The following ZNF423 variants were observed in gnomAD, a reference collection of about 807,000 sequenced individuals.
ZNF423 encodes the protein Ebf-associated zinc finger protein.
In ZNF423, 12 loss-of-function variants were observed where a neutral mutation model predicts 95.8. That is an observed-to-expected ratio of 0.13 (90% CI 0.08 to 0.20). The LOEUF (loss-of-function observed/expected upper bound fraction) is 0.20. ZNF423 is among the 10% of genes least tolerant of loss of function. The probability of loss-of-function intolerance (pLI) is 1.00; values close to 1 mark genes in which losing one functional copy is unlikely to be tolerated. For missense variants in ZNF423, 1,316 were observed against 1,737.1 expected, an observed-to-expected ratio of 0.76 and a Z score of 4.31; for synonymous variants, 749 against 711.9, an observed-to-expected ratio of 1.05 and a Z score of -0.83.
At chr16:49,751,629 G>C (rs7197675) in intron 2 of ZNF423, among the ~76,000 whole-genome samples, 3,670 of 152,286 alleles carry the variant, frequency 0.024, 146 homozygotes, top group African/African-American at 0.084. Context: ...TGCAAGGTCA[G>C]ACCTGGGTTC....
chr16:49,684,955 A>C (rs1272814248), intron 3 of ZNF423, among the ~76,000 whole-genome samples: 1 of 152,198 alleles, frequency 6.6e-6, no homozygotes, highest in African/African-American at 2.4e-5. Flanking sequence ...ACAGCCCAGA[A>C]AGGCAGGGGC....
Position 49,789,476 on chromosome 16 carries a change from C to G in ZNF423, c.100+11G>C. 1.2e-6 allele frequency: 2 copies of G among 1,611,258 alleles called. No individual in the cohort carries two copies. Among genetic ancestry groups the G allele is most frequent in the Non-Finnish European group, 1.7e-6 (2 of 1,179,116 alleles). On this transcript the variant is annotated intron_variant, in intron 2 of 7. Coordinates refer to ENST00000563137, the MANE Select transcript of ZNF423 (RefSeq NM_001379286.1). ...CCCCTGCAACTCTTCCACCAGCCCC[C>G]GGGCATTTACCTGCTGCTGTCACGG...
chr16:49,524,653 G>A (rs534742043), intron 6 of ZNF423, among the ~76,000 whole-genome samples: 1 of 152,376 alleles, frequency 6.6e-6, no homozygotes, highest in Non-Finnish European at 1.5e-5. Flanking sequence ...GCCCAGAGCA[G>A]CTGTGTGTCT....
chr16:49,840,620 C>T (rs1438388001), intron 1 of ZNF423, among the ~76,000 whole-genome samples: 2 of 152,168 alleles, frequency 1.3e-5, no homozygotes, highest in African/African-American at 4.8e-5. Flanking sequence ...GTCTCTTTGC[C>T]CTGGAAGCTG....
intron 1 of ZNF423, among the ~76,000 whole-genome samples, chr16:49,849,167 TG>T (rs542633627): frequency 8.1e-4 from 124 of 152,312 alleles, no homozygotes; most frequent in Non-Finnish European, 1.5e-3. Context: ...GATTGGAGTT[TG>T]CCATCTGCAA....
At chr16:49,690,796 A>G (rs2031749653) in intron 3 of ZNF423, among the ~76,000 whole-genome samples, 1 of 152,180 alleles carries the variant, frequency 6.6e-6, no homozygotes, top group South Asian at 2.1e-4. Context: ...CGCTCCCAAC[A>G]GGAGTCACTG....
intron 2 of ZNF423, among the ~76,000 whole-genome samples, chr16:49,778,321 TATC>T (rs2034154297): frequency 1.3e-5 from 2 of 152,172 alleles, no homozygotes; most frequent in Admixed American, 6.5e-5. Context: ...CCATTGACCA[TATC>T]CAACCCAGGA....
At chr16:49,545,656 T>C (rs1969412309) in intron 5 of ZNF423, among the ~76,000 whole-genome samples, 1 of 152,162 alleles carries the variant, frequency 6.6e-6, no homozygotes, top group African/African-American at 2.4e-5. Flanking sequence ...GGTACAAAAT[T>C]ATTGTCCACG....
intron 1 of ZNF423, among the ~76,000 whole-genome samples, chr16:49,848,055 G>C (rs938512414): frequency 6.6e-6 from 1 of 151,974 alleles, no homozygotes; most frequent in Non-Finnish European, 1.5e-5. Context: ...AGTGAACTAC[G>C]ATCACGTCAC....
At chr16:49,698,075 G>A (rs56295507) in intron 3 of ZNF423, among the ~76,000 whole-genome samples, 41,342 of 152,074 alleles carry the variant, frequency 0.27, 6,069 homozygotes, top group South Asian at 0.45. Flanking sequence ...TGGAGAGTGC[G>A]GCACTCTTAC....
At chr16:49,611,807 A>T (rs949703262) in intron 5 of ZNF423, among the ~76,000 whole-genome samples, 10 of 152,126 alleles carry the variant, frequency 6.6e-5, no homozygotes, top group Admixed American at 1.3e-4. Flanking sequence ...TGAGGATATC[A>T]CTACAGACAC....
intron 1 of ZNF423, among the ~76,000 whole-genome samples, chr16:49,852,196 A>G (rs1373050912): frequency 6.6e-6 from 1 of 151,734 alleles, no homozygotes; most frequent in Non-Finnish European, 1.5e-5. Flanking sequence ...AAGACAAAGA[A>G]GGGGAAGGGA....
intron 2 of ZNF423, among the ~76,000 whole-genome samples, chr16:49,772,105 C>T (rs768997609): frequency 6.6e-6 from 1 of 152,188 alleles, no homozygotes; most frequent in African/African-American, 2.4e-5. Flanking sequence ...CCAGGAAAGC[C>T]GATGCTGCAG....
chr16:49,493,687 C>T (rs1967056262), intron 7 of ZNF423, among the ~76,000 whole-genome samples: 1 of 152,148 alleles, frequency 6.6e-6, no homozygotes, highest in Non-Finnish European at 1.5e-5. Flanking sequence ...AAAGTAGACA[C>T]TCAGGCAGTA....
At chr16:49,530,854 G>A (rs1185405601) in intron 5 of ZNF423, among the ~76,000 whole-genome samples, 2 of 152,170 alleles carry the variant, frequency 1.3e-5, no homozygotes, top group Non-Finnish European at 2.9e-5. Flanking sequence ...GGCAGCAGCA[G>A]CCCTGCTGTT....
At chr16:49,562,804 G>A (rs1366808771) in intron 5 of ZNF423, among the ~76,000 whole-genome samples, 2 of 151,836 alleles carry the variant, frequency 1.3e-5, no homozygotes, top group African/African-American at 2.4e-5. Context: ...TTTTGAGATG[G>A]AGTCTTGCTC....
intron 5 of ZNF423, among the ~76,000 whole-genome samples, chr16:49,569,455 G>A (rs1448329113): frequency 6.6e-6 from 1 of 152,214 alleles, no homozygotes; most frequent in African/African-American, 2.4e-5. Context: ...TGAAAAGAGA[G>A]CCGTTTTGGG....
intron 5 of ZNF423, among the ~76,000 whole-genome samples, chr16:49,597,962 T>G (rs1398868360): frequency 3.3e-5 from 5 of 152,124 alleles, no homozygotes; most frequent in African/African-American, 1.2e-4. Flanking sequence ...AACCCAAACA[T>G]AGCTCAACCC....
At chr16:49,676,347 G>A (rs753183858) in intron 3 of ZNF423, among the ~76,000 whole-genome samples, 2 of 152,182 alleles carry the variant, frequency 1.3e-5, no homozygotes, top group Non-Finnish European at 2.9e-5. Context: ...ACCAGGAACT[G>A]GCAAGGGAGG....
Sources: allele counts gnomAD v4.1 joint callset (sites outside exome capture counted in the v4.1 genomes callset), GRCh38; gene constraint gnomAD v4.1.1; transcripts MANE v1.5; gene names NCBI Gene and HGNC (gene_info 2026-07-23, HGNC 2026-07-21).